The following PLCL2 variants were observed in gnomAD, a reference collection of about 807,000 sequenced individuals.
PLCL2 encodes the protein phospholipase C like 2.
A neutral mutation model predicts 79.6 loss-of-function variants in PLCL2; 4 were observed. That is an observed-to-expected ratio of 0.05 (90% CI 0.02 to 0.11). The LOEUF (loss-of-function observed/expected upper bound fraction) is 0.11, where lower values mean the gene tolerates loss of function less well. Among genes scored for constraint, PLCL2 ranks in the 10% least tolerant of loss-of-function variants. The pLI is 1.00. For synonymous variants in PLCL2, 484 were observed against 457.7 expected (o/e 1.06, Z -0.73); for missense variants, 895 against 1,291.0 (o/e 0.69, Z 4.70).
chr3:16,991,488 T>C (rs969162251), intron 1 of PLCL2, among the ~76,000 whole-genome samples: 1 of 152,330 alleles, frequency 6.6e-6, no homozygotes, highest in Non-Finnish European at 1.5e-5. Context: ...CCATACTTTA[T>C]TCTCTTCATT....
At position 17,010,950 on chromosome 3, in the gene PLCL2, T is replaced by C; in HGVS notation, c.1604T>C (p.Met535Thr). The change falls in exon 2 of 6, where the codon ATG (methionine) becomes ACG (threonine). Residue 535 changes from methionine to threonine, a missense_variant. Around this residue, in one of 6 missense-constraint regions of PLCL2, gnomAD observed 242 missense variants for 399.5 expected, o/e 0.61. Transcript: ENST00000615277. This position sits in a 1 kb window ranked among gnomAD's most constrained non-coding sequence, Gnocchi z 5.8. ...IKQQKVMVQH[M>T]KKLLGDKLYT... ...CAACAGAAGGTAATGGTTCAGCACA[T>C]GAAGAAACTTTTAGGAGACAAGCTC... The C allele has an allele frequency of 6.2e-7, 1 of 1,614,082 alleles. No homozygotes were observed. The highest frequency in any genetic ancestry group is 8.5e-7 in the Non-Finnish European group (1 of 1,180,000).
chr3:17,042,843 G>C, intron 3 of PLCL2, 31 bp from the exon 4 acceptor site: 1 of 1,503,200 alleles, frequency 6.7e-7, no homozygotes, highest in Non-Finnish European at 9.3e-7. Flanking sequence ...GTTGTCAGGT[G>C]TAATCTCATG....
intron 1 of PLCL2, among the ~76,000 whole-genome samples, chr3:16,900,791 A>G (rs905131751): frequency 6.6e-6 from 1 of 152,214 alleles, no homozygotes; most frequent in Non-Finnish European, 1.5e-5. Context: ...TGGTCACACT[A>G]GACTTTGGCA....
chr3:16,960,859 C>T (rs190497210), intron 1 of PLCL2, among the ~76,000 whole-genome samples: 114 of 152,294 alleles, frequency 7.5e-4, no homozygotes, highest in Non-Finnish European at 1.3e-3. Flanking sequence ...TTCTCTGTCT[C>T]CTCTGGTGAC....
intron 1 of PLCL2, among the ~76,000 whole-genome samples, chr3:16,958,051 G>A (rs1224123155): frequency 6.6e-6 from 1 of 152,158 alleles, no homozygotes; most frequent in East Asian, 1.9e-4. Context: ...ATTGTTATAT[G>A]TGGATTTGAT....
chr3:16,912,502 C>G (rs1696905225), intron 1 of PLCL2, among the ~76,000 whole-genome samples: 1 of 152,170 alleles, frequency 6.6e-6, no homozygotes, highest in African/African-American at 2.4e-5. Context: ...CAAGCACTTT[C>G]AAAGATTTGA....
At chr3:17,069,668 A>T (rs1193568920) in intron 5 of PLCL2, among the ~76,000 whole-genome samples, 1 of 152,190 alleles carries the variant, frequency 6.6e-6, no homozygotes, top group Non-Finnish European at 1.5e-5. Flanking sequence ...TTCCCCCTGA[A>T]GTTAAAAGCT....
chr3:17,055,403 C>A (rs556987858), intron 4 of PLCL2, among the ~76,000 whole-genome samples: 1 of 152,252 alleles, frequency 6.6e-6, no homozygotes, highest in African/African-American at 2.4e-5. Context: ...GAGGAAATGA[C>A]CACAAAGACA....
chr3:16,959,568 C>G (rs911951852), intron 1 of PLCL2, among the ~76,000 whole-genome samples: 1 of 152,052 alleles, frequency 6.6e-6, no homozygotes, highest in Non-Finnish European at 1.5e-5. Context: ...CATCACCTTC[C>G]CTCAGGAAGA....
At chr3:16,952,039 A>G (rs2063658375) in intron 1 of PLCL2, among the ~76,000 whole-genome samples, 1 of 152,016 alleles carries the variant, frequency 6.6e-6, no homozygotes, top group Non-Finnish European at 1.5e-5. Flanking sequence ...GTAACAGATG[A>G]TAGAAACCTG....
At chr3:16,918,849 A>G (rs1043382966) in intron 1 of PLCL2, among the ~76,000 whole-genome samples, 1 of 152,162 alleles carries the variant, frequency 6.6e-6, no homozygotes, top group African/African-American at 2.4e-5. Flanking sequence ...TTAATGTTAA[A>G]TATAGGAGTA....
intron 1 of PLCL2, among the ~76,000 whole-genome samples, chr3:16,915,721 C>T (rs1696978159): frequency 1.3e-5 from 2 of 152,030 alleles, no homozygotes; most frequent in Admixed American, 1.3e-4. Flanking sequence ...CTATGGGAAA[C>T]TTTGTTTCTT....
chr3:16,986,006 A>G (rs2064046704), intron 1 of PLCL2, among the ~76,000 whole-genome samples: 1 of 152,110 alleles, frequency 6.6e-6, no homozygotes, highest in African/African-American at 2.4e-5. Context: ...TGGGCATGTT[A>G]TTGGGAGTGG....
At chr3:16,966,689 T>C (rs2063810178) in intron 1 of PLCL2, among the ~76,000 whole-genome samples, 1 of 152,136 alleles carries the variant, frequency 6.6e-6, no homozygotes, top group Non-Finnish European at 1.5e-5. Context: ...TTGCCTCAAT[T>C]TCAGAGCCTG....
At chr3:17,063,239 T>TG in intron 4 of PLCL2, among the ~76,000 whole-genome samples, 1 of 68,154 alleles carries the variant, frequency 1.5e-5, no homozygotes, top group Non-Finnish European at 3.0e-5. Context: ...CCTCCCTCCC[T>TG]CCCTGCCTTC....
chr3:17,011,878 G>A lies in PLCL2; in HGVS notation c.2532G>A (p.Gln844=). The A allele has an allele frequency of 1.2e-6, 2 of 1,614,256 alleles. No homozygotes were observed. Among genetic ancestry groups the A allele is most frequent in the South Asian group, 2.2e-5 (2 of 91,090 alleles). Reference sequence around the variant, plus strand: ...ACATTGGGGATGAATTCATCGGCCAGTACACAATTCCCTTTGAATGTTTAC... The same window carrying A: ...ACATTGGGGATGAATTCATCGGCCAATACACAATTCCCTTTGAATGTTTAC... ...DDYIGDEFIG[Q]YTIPFECLQT... Residue 844 remains glutamine, a synonymous_variant, in exon 2 of 6, where the codon CAG becomes CAA. Coordinates refer to ENST00000615277, the MANE Select transcript of PLCL2 (RefSeq NM_001144382.2). This position sits in a 1 kb window ranked among gnomAD's most constrained non-coding sequence, Gnocchi z 7.9.
intron 1 of PLCL2, among the ~76,000 whole-genome samples, chr3:16,892,174 A>G (rs1696366803): frequency 1.3e-5 from 2 of 152,266 alleles, no homozygotes; most frequent in African/African-American, 4.8e-5. Flanking sequence ...TGATTGGAAT[A>G]TAAAACTCAG....
chr3:16,978,487 G>A (rs1432271835), intron 1 of PLCL2, among the ~76,000 whole-genome samples: 1 of 152,194 alleles, frequency 6.6e-6, no homozygotes, highest in Non-Finnish European at 1.5e-5. Flanking sequence ...GAGATGAGAG[G>A]AGAGAAAGAG....
At chr3:16,947,575 C>T (rs958436558) in intron 1 of PLCL2, among the ~76,000 whole-genome samples, 3 of 152,110 alleles carry the variant, frequency 2.0e-5, no homozygotes, top group South Asian at 2.1e-4. Flanking sequence ...GTTTTAGAAA[C>T]GGAATATCCT....
Sources: gnomAD v4.1 joint callset for allele counts (sites outside exome capture counted in the v4.1 genomes callset) on GRCh38, gnomAD v4.1.1 for gene constraint, gnomAD v4.1.1 regional missense constraint, Gnocchi (gnomAD v3.1) non-coding constraint, MANE v1.5 for transcripts, NCBI Gene and HGNC (gene_info 2026-07-23, HGNC 2026-07-21) for gene names.